Variants in HAUS1 observed in about 807,000 individuals in gnomAD.
The protein encoded by HAUS1 is HAUS augmin like complex subunit 1, also known as HAUS augmin-like complex subunit 1.
In HAUS1, 25 loss-of-function variants were observed where a neutral mutation model predicts 38.6. The ratio of observed to expected loss-of-function variants is 0.65; its 90% CI spans 0.47 to 0.91. The LOEUF is 0.91. Ranked by LOEUF, HAUS1 falls within the 40% of genes least tolerant of loss-of-function variation. The pLI, the probability that HAUS1 is intolerant of heterozygous loss-of-function variation, is 0.00. For missense variants in HAUS1, 325 were observed against 328.4 expected, an observed-to-expected ratio of 0.99 and a Z score of 0.08; for synonymous variants, 109 against 112.9, an observed-to-expected ratio of 0.97 and a Z score of 0.22.
At chr18:46,127,965 T>C (rs762212453) in intron 8 of HAUS1, 110 bp from the exon 9 acceptor site, 3 of 551,950 alleles carry the variant, frequency 5.4e-6, no homozygotes, top group Non-Finnish European at 9.3e-6. Context: ...ATTTTTAAAA[T>C]TTTTTGTTCT....
In HAUS1 at chr18:46,105,550, ATGTGTGTGTGTG is replaced by A. The variant is rs34943742; in HGVS notation, c.205+214_205+225del. The A allele has an allele frequency of 3.5e-4, 94 of 270,632 alleles. 1 individual carries two copies. The highest frequency in any genetic ancestry group is 3.5e-3 in the Middle Eastern group (3 of 868). 16.8% of individuals were successfully genotyped at this position (270,632 alleles called of 1,614,324 possible). A position where few individuals can be genotyped will look rare whatever the true frequency, so the allele number is the denominator to read the frequency against. Reference sequence around the variant, plus strand: ...TTTATGTTTATATATATGTATATGTATGTGTGTGTGTGTGTGTGTGTGTGTGTGTGTGTGTGT... The same window carrying A: ...TTTATGTTTATATATATGTATATGTATGTGTGTGTGTGTGTGTGTGTGTGT... On this transcript the variant is annotated intron_variant, in intron 2 of 8. Coordinates refer to ENST00000282058, the MANE Select transcript of HAUS1 (RefSeq NM_138443.4).
At chr18:46,127,256 G>A (rs994958307) in intron 8 of HAUS1, among the ~76,000 whole-genome samples, 3 of 151,974 alleles carry the variant, frequency 2.0e-5, no homozygotes, top group African/African-American at 2.4e-5. Flanking sequence ...ACAGGCATGA[G>A]CCACCGTGCC....
At chr18:46,125,719 T>A in intron 7 of HAUS1, 25 bp from the exon 8 acceptor site, 1 of 1,546,220 alleles carries the variant, frequency 6.5e-7, no homozygotes. Flanking sequence ...AATATAACCT[T>A]TCCTTGTTTT....
chr18:46,125,275 G>C (rs900758398), intron 7 of HAUS1, among the ~76,000 whole-genome samples: 1 of 151,602 alleles, frequency 6.6e-6, no homozygotes, highest in African/African-American at 2.4e-5. Context: ...AAAAGGCTGG[G>C]CATGATGGCT....
chr18:46,110,414 G>A (rs141745012), intron 2 of HAUS1, among the ~76,000 whole-genome samples: 9,847 of 136,784 alleles, frequency 0.072, 418 homozygotes, highest in African/African-American at 0.13. Context: ...GCGCAGTCTC[G>A]GCTCACTGCA....
chr18:46,126,414 A>G (rs1912106426), intron 8 of HAUS1, among the ~76,000 whole-genome samples: 1 of 152,230 alleles, frequency 6.6e-6, no homozygotes, highest in Non-Finnish European at 1.5e-5. Flanking sequence ...AAGCTGAAAC[A>G]TGGAGGACTT....
chr18:46,122,202 T>G (rs986115723), intron 4 of HAUS1, among the ~76,000 whole-genome samples: 22 of 151,784 alleles, frequency 1.4e-4, no homozygotes, highest in African/African-American at 2.4e-4. Flanking sequence ...CCCTGGCTAT[T>G]TGGGAGGCTG....
At position 46,122,490 on chromosome 18, in the gene HAUS1, A is replaced by T; in HGVS notation, c.500A>T (p.His167Leu). The T allele has an allele frequency of 1.9e-6, 3 of 1,613,808 alleles. No homozygotes were observed. The highest frequency in any genetic ancestry group is 2.5e-6 in the Non-Finnish European group (3 of 1,179,920). Residue 167 changes from histidine to leucine, a missense_variant, in exon 5 of 9, where the codon CAT becomes CTT. By Grantham distance (99) the His-to-Leu change is moderately conservative. Transcript: ENST00000282058. ...AGGGATGTCAAGAAAGCAGAGTTGC[A>T]TCTGTCTACAGAAAGGGCCAAAGTT... ...LQEDVKKAEL[H>L]LSTERAKVDN...
chr18:46,106,474 AAAAAAAAG>A (rs1911485713), intron 2 of HAUS1, among the ~76,000 whole-genome samples: 1 of 151,946 alleles, frequency 6.6e-6, no homozygotes, highest in Non-Finnish European at 1.5e-5. Flanking sequence ...GTCTCAAAAA[AAAAAAAAG>A]AAAAAAAGAA....
In HAUS1 at chr18:46,104,395, T is replaced by C. The variant is rs974109589; in HGVS notation, c.-17T>C. The C allele has an allele frequency of 2.1e-6, 3 of 1,447,136 alleles. No individual in the cohort carries two copies. Among genetic ancestry groups the C allele is most frequent in the Non-Finnish European group, 2.8e-6 (3 of 1,087,942 alleles). The allele number at this position is 1,447,136 out of a possible 1,614,324, so 89.6% of individuals were successfully genotyped here. On this transcript the variant is annotated 5_prime_UTR_variant, in exon 1 of 9. Transcript: ENST00000282058. ...CTCCCGCTAGGAGTTCCTAGTAAAG[T>C]GGCGGGAGCCGCAGCTATGGAGCCG...
intron 2 of HAUS1, among the ~76,000 whole-genome samples, chr18:46,108,863 C>T (rs866951182): frequency 1.3e-5 from 2 of 151,760 alleles, no homozygotes; most frequent in South Asian, 2.1e-4. Flanking sequence ...CAAGGTCAGG[C>T]GATCAAGACC....
intron 2 of HAUS1, among the ~76,000 whole-genome samples, chr18:46,107,788 A>G (rs76358687): frequency 0.014 from 2,202 of 152,328 alleles, 49 homozygotes; most frequent in African/African-American, 0.05. Context: ...AGTTCTTTAC[A>G]GCACATGAGA....
chr18:46,126,660 T>C (rs1234435666), intron 8 of HAUS1: 1 of 151,734 alleles, frequency 6.6e-6, no homozygotes, highest in Non-Finnish European at 1.5e-5. Flanking sequence ...AATCTTGCTC[T>C]GTCCTCCAGA....
chr18:46,113,643 A>C (rs1163946224), intron 2 of HAUS1, among the ~76,000 whole-genome samples: 3 of 152,144 alleles, frequency 2.0e-5, no homozygotes, highest in Non-Finnish European at 4.4e-5. Context: ...GATAAAGCCA[A>C]CATCTTGTCA....
intron 1 of HAUS1, among the ~76,000 whole-genome samples, chr18:46,104,860 G>A (rs942983617): frequency 2.0e-5 from 3 of 152,196 alleles, no homozygotes; most frequent in Non-Finnish European, 4.4e-5. Context: ...TTCAGACCAT[G>A]CACGGTCTAA....
chr18:46,105,319 C>T lies in HAUS1; in HGVS notation c.156C>T (p.Tyr52=). 1.2e-6 allele frequency: 2 copies of T among 1,613,234 alleles called. No individual in the cohort carries two copies. Among genetic ancestry groups the T allele is most frequent in the Middle Eastern group, 1.7e-4 (1 of 6,052 alleles). The change falls in exon 2 of 9, where the codon TAC becomes TAT. Residue 52 remains tyrosine (Y), a synonymous_variant. Transcript: ENST00000282058. ...ERNRVRDRDV[Y]LVIEDLKQKA... is the part of the protein sequence containing the mutation. ...ACAGGGTCCGGGACAGGGATGTCTACCTGGTAATAGAGGACTTGAAGCAGA... is the reference window on the plus strand; with the variant it reads ...ACAGGGTCCGGGACAGGGATGTCTATCTGGTAATAGAGGACTTGAAGCAGA...
intron 2 of HAUS1, 174 bp downstream of exon 2, chr18:46,105,542 G>T: frequency 4.2e-6 from 2 of 473,964 alleles, no homozygotes; most frequent in Non-Finnish European, 7.2e-6. Flanking sequence ...TTATATATAT[G>T]TATATGTATG....
At chr18:46,126,142 A>G (rs1330177920) in intron 8 of HAUS1, among the ~76,000 whole-genome samples, 2 of 152,068 alleles carry the variant, frequency 1.3e-5, no homozygotes, top group East Asian at 3.9e-4. Context: ...GGGCGTGGTG[A>G]TGCGTGCCCG....
rs1294154279 is a variant in HAUS1, at chr18:46,122,666, T to G, written c.600+76T>G. 4 of 1,525,992 alleles carry G rather than the reference T, an allele frequency of 2.6e-6. No homozygotes were observed. In the East Asian group the frequency reaches 9.1e-5, roughly 35 times the overall value. The allele number at this position is 1,525,992 out of a possible 1,614,324, so 94.5% of individuals were successfully genotyped here. A position where few individuals can be genotyped will look rare whatever the true frequency, so the allele number is the denominator to read the frequency against. On this transcript the variant is annotated intron_variant, in intron 5 of 8. Transcript: ENST00000282058. ...CCATCATCCTCACAGCTAGGCATTA[T>G]TATTCCCTTTTTACAGATGAGAGGA...
Sources: gnomAD v4.1 joint callset for allele counts (sites outside exome capture counted in the v4.1 genomes callset) on GRCh38, gnomAD v4.1.1 for gene constraint, MANE v1.5 for transcripts, NCBI Gene and HGNC (gene_info 2026-07-23, HGNC 2026-07-21) for gene names.